The following HPCAL1 variants were observed in gnomAD, a reference collection of about 807,000 sequenced individuals.
The protein encoded by HPCAL1 is hippocalcin-like protein 1.
A neutral mutation model predicts 17.1 loss-of-function variants in HPCAL1; 8 were observed. That is an observed-to-expected ratio of 0.47 (90% CI 0.27 to 0.84). The LOEUF (loss-of-function observed/expected upper bound fraction) is 0.84, where lower values mean the gene tolerates loss of function less well. Among genes scored for constraint, HPCAL1 ranks in the 40% least tolerant of loss-of-function variants. The probability of loss-of-function intolerance (pLI) is 0.13; values close to 1 mark genes in which losing one functional copy is unlikely to be tolerated. For synonymous variants in HPCAL1, 112 were observed against 111.4 expected, an observed-to-expected ratio of 1.01 and a Z score of -0.03; for missense variants, 165 against 271.1, an observed-to-expected ratio of 0.61 and a Z score of 2.75.
rs564062102 is a variant in HPCAL1 at position 10,372,587 on chromosome 2, C to T, written c.-110-24248C>T. Among the ~76,000 whole-genome samples, 8 of 152,322 alleles carry T rather than the reference C, an allele frequency of 5.3e-5. No homozygotes were observed. The South Asian group carries it at 8.3e-4, about 16-fold the overall frequency. ...CGTCACCAAGGCAGAACCCAGCAGC[C>T]GGGGCCTGAAGCCCCCTCACCCAGC... On this transcript the variant is annotated intron_variant, in intron 1 of 4. Transcript: ENST00000307845.
Position 10,343,455 on chromosome 2 carries a change from G to A in HPCAL1, c.-111+40278G>A, listed in dbSNP as rs1665220858. Among the ~76,000 whole-genome samples the A allele has an allele frequency of 6.6e-6, 1 of 152,248 alleles. No individual in the cohort carries two copies. Among genetic ancestry groups the A allele is most frequent in the African/African-American group, 2.4e-5 (1 of 41,462 alleles). ...TGGGTGTTTGCATAGGCAGGCAGGT[G>A]AGCCAGCCTAGTTTGTCCACAGACT... On this transcript the variant is annotated intron_variant, in intron 1 of 4. Coordinates refer to ENST00000307845, the MANE Select transcript of HPCAL1 (RefSeq NM_002149.4). This position sits in a 1 kb window ranked among gnomAD's most constrained non-coding sequence, Gnocchi z 4.8.
chr2:10,420,249 C>G (rs1670978199), intron 3 of HPCAL1, 114 bp downstream of exon 3: 2 of 930,946 alleles, frequency 2.1e-6, no homozygotes, highest in Admixed American at 3.3e-5. Context: ...GAATCTTGCT[C>G]TAGTGACTGG....
At chr2:10,385,401 AG>A (rs1449420598) in intron 1 of HPCAL1, among the ~76,000 whole-genome samples, 1 of 152,128 alleles carries the variant, frequency 6.6e-6, no homozygotes, top group Admixed American at 6.5e-5. Context: ...GACAGGGCCC[AG>A]GAATCTGCAT....
At chr2:10,422,832 G>A in intron 3 of HPCAL1, 151 bp from the exon 4 acceptor site, 1 of 613,188 alleles carries the variant, frequency 1.6e-6, no homozygotes, top group Non-Finnish European at 3.0e-6. Flanking sequence ...GTTCACTAGG[G>A]AACATTCTCC....
intron 1 of HPCAL1, among the ~76,000 whole-genome samples, chr2:10,326,163 A>G (rs1405317782): frequency 1.3e-5 from 2 of 152,222 alleles, no homozygotes; most frequent in African/African-American, 4.8e-5. Flanking sequence ...CATCCCAGAC[A>G]GAATCAACCC....
intron 2 of HPCAL1, among the ~76,000 whole-genome samples, chr2:10,408,086 A>G (rs1670085592): frequency 6.6e-6 from 1 of 152,186 alleles, no homozygotes; most frequent in East Asian, 1.9e-4. Context: ...CCACCCACAC[A>G]TTCCTCTTCC....
At chr2:10,339,431 A>G (rs1036574134) in intron 1 of HPCAL1, among the ~76,000 whole-genome samples, 15 of 151,806 alleles carry the variant, frequency 9.9e-5, no homozygotes, top group African/African-American at 3.6e-4. Flanking sequence ...CAGCCTCCCC[A>G]GTAGCTGGGA....
At chr2:10,426,549 A>G in intron 4 of HPCAL1, 175 bp from the exon 5 acceptor site, 1 of 626,740 alleles carries the variant, frequency 1.6e-6, no homozygotes, top group Non-Finnish European at 2.9e-6. Flanking sequence ...AGGAAAAAGG[A>G]TTTTTTTTCA....
Position 10,426,824 on chromosome 2 carries a change from G to C in HPCAL1, c.*3G>C. ...CCAGCAGTGCCAGTCAGTTCTGAGC[G>C]AGCGGCCCCTGGACAGTTGCAGAGA... On this transcript the variant is annotated 3_prime_UTR_variant, in exon 5 of 5. Transcript: ENST00000307845. 1 of 1,611,876 alleles carries C rather than the reference G, an allele frequency of 6.2e-7. No homozygotes were observed.
At chr2:10,396,189 G>A (rs1346149112) in intron 1 of HPCAL1, among the ~76,000 whole-genome samples, 1 of 152,246 alleles carries the variant, frequency 6.6e-6, no homozygotes, top group Non-Finnish European at 1.5e-5. Context: ...GTCAGGTGAT[G>A]CGTCCTGACC....
chr2:10,399,496 T>C (rs1409963561), intron 2 of HPCAL1, among the ~76,000 whole-genome samples: 43 of 47,992 alleles, frequency 9.0e-4, no homozygotes, highest in African/African-American at 2.1e-3. Flanking sequence ...ACCGCCACCA[T>C]CACCATCACC....
intron 1 of HPCAL1, among the ~76,000 whole-genome samples, chr2:10,321,961 T>TG (rs1663695963): frequency 6.6e-6 from 1 of 152,216 alleles, no homozygotes; most frequent in South Asian, 2.1e-4. Context: ...AAGTTTTTTG[T>TG]GGATGTATGT....
At position 10,384,031 on chromosome 2, in the gene HPCAL1, A is replaced by ACC. The variant is rs1296598414; in HGVS notation, c.-110-12803_-110-12802insCC. ...ATACATCGCGTACACACACACACCC[A>ACC]CACACACACACACCTTTTGCTGGTG... is the stretch of plus-strand genomic sequence containing the variant. On this transcript the variant is annotated intron_variant, in intron 1 of 4. Coordinates refer to ENST00000307845, the MANE Select transcript of HPCAL1 (RefSeq NM_002149.4). The surrounding 1 kb of genome is among the most constrained non-coding windows in gnomAD (Gnocchi z 4.4). 9.1e-6 allele frequency among the ~76,000 whole-genome samples: 1 copy of ACC among 110,184 alleles called. No individual in the cohort carries two copies. Among genetic ancestry groups the ACC allele is most frequent in the African/African-American group, 3.7e-5 (1 of 27,298 alleles). The allele number at this position is 110,184 out of a possible 152,430, so 72.3% of individuals were successfully genotyped here.
At position 10,375,830 on chromosome 2, in the gene HPCAL1, A is replaced by G. The variant is rs142968158; in HGVS notation, c.-110-21005A>G. On this transcript the variant is annotated intron_variant, in intron 1 of 4. Transcript: ENST00000307845. ...TACGGCCCGAAGGAATCGATTGACA[A>G]ACTCTCAAATTAATGACATAATTCA... 4.6e-3 allele frequency among the ~76,000 whole-genome samples: 698 copies of G among 152,332 alleles called. 33 individuals carry two copies. In the East Asian group the frequency reaches 0.091, roughly 20 times the overall value.
rs147459942 is a variant in HPCAL1 at position 10,363,552 on chromosome 2, G to A, written c.-110-33283G>A. ...GTCTGGAGAGTCATGTGGTGTAGCTGTATTTCTGGGAAGTGTGTGACCCGA... is the reference window on the plus strand; with the variant it reads ...GTCTGGAGAGTCATGTGGTGTAGCTATATTTCTGGGAAGTGTGTGACCCGA... On this transcript the variant is annotated intron_variant, in intron 1 of 4. Coordinates refer to ENST00000307845, the MANE Select transcript of HPCAL1 (RefSeq NM_002149.4). This position sits in a 1 kb window ranked among gnomAD's most constrained non-coding sequence, Gnocchi z 4.7. Among the ~76,000 whole-genome samples, 56 of 152,318 alleles carry A rather than the reference G, an allele frequency of 3.7e-4. No homozygotes were observed. In the East Asian group the frequency reaches 9.3e-3, roughly 25 times the overall value.
At chr2:10,328,695 G>A (rs947125350) in intron 1 of HPCAL1, among the ~76,000 whole-genome samples, 4 of 152,112 alleles carry the variant, frequency 2.6e-5, no homozygotes, top group Admixed American at 1.3e-4. Context: ...TAGGTCTTGC[G>A]ACTCTTCAGC....
intron 1 of HPCAL1, among the ~76,000 whole-genome samples, chr2:10,382,300 G>A (rs1351054268): frequency 6.6e-6 from 1 of 152,164 alleles, no homozygotes. Flanking sequence ...GGATGAGCAG[G>A]CAGAGCACAG....
Position 10,426,622 on chromosome 2 carries a change from C to G in HPCAL1, c.485-102C>G, listed in dbSNP as rs4408698. The G allele has an allele frequency of 7.8e-6, 7 of 895,222 alleles. No homozygotes were observed. The South Asian group carries it at 9.7e-5, about 12-fold the overall frequency. 55.5% of individuals were successfully genotyped at this position (895,222 alleles called of 1,614,324 possible). A position where few individuals can be genotyped will look rare whatever the true frequency, so the allele number is the denominator to read the frequency against. ...CAGCTTCAAGAAGGCTCAGGACTTT[C>G]AACAAAGGGAGCATACCTGACCTGA... On this transcript the variant is annotated intron_variant, in intron 4 of 4. Coordinates refer to ENST00000307845, the MANE Select transcript of HPCAL1 (RefSeq NM_002149.4).
chr2:10,316,148 G>T (rs1403486422), intron 1 of HPCAL1, among the ~76,000 whole-genome samples: 1 of 152,194 alleles, frequency 6.6e-6, no homozygotes, highest in Non-Finnish European at 1.5e-5. Context: ...TGACCTGGAA[G>T]GAGCCATCTC....
Sources: allele counts gnomAD v4.1 joint callset (sites outside exome capture counted in the v4.1 genomes callset), GRCh38; gene constraint gnomAD v4.1.1; non-coding constraint Gnocchi (gnomAD v3.1); transcripts MANE v1.5; gene names NCBI Gene and HGNC (gene_info 2026-07-23, HGNC 2026-07-21).